LMBR1: variants seen among roughly 807,000 people sequenced by gnomAD.
The protein encoded by LMBR1 is limb region 1 protein homolog.
LMBR1 carries 52 observed loss-of-function variants against 73.9 expected under a neutral mutation model. The ratio of observed to expected loss-of-function variants is 0.70; its 90% CI spans 0.56 to 0.89. The LOEUF (loss-of-function observed/expected upper bound fraction) is 0.89, where lower values mean the gene tolerates loss of function less well. Among genes scored for constraint, LMBR1 ranks in the 40% least tolerant of loss-of-function variants. LMBR1 has a pLI of 0.00. For synonymous variants in LMBR1, 215 were observed against 209.4 expected (o/e 1.03, Z -0.23); for missense variants, 539 against 579.8 (o/e 0.93, Z 0.72).
intron 10 of LMBR1, among the ~76,000 whole-genome samples, chr7:156,732,313 G>A (rs1468298942): frequency 6.6e-6 from 1 of 152,150 alleles, no homozygotes; most frequent in East Asian, 1.9e-4. Context: ...TTACTGTCTT[G>A]AGAGTTTCCA....
At chr7:156,858,421 G>A (rs78772460) in intron 1 of LMBR1, among the ~76,000 whole-genome samples, 68 of 152,208 alleles carry the variant, frequency 4.5e-4, no homozygotes, top group Non-Finnish European at 8.2e-4. Context: ...TAAAGAAACC[G>A]AATCAACAAT....
chr7:156,852,131 G>A (rs947461370), intron 1 of LMBR1, among the ~76,000 whole-genome samples: 7 of 151,942 alleles, frequency 4.6e-5, no homozygotes, highest in South Asian at 2.1e-4. Flanking sequence ...TAAAGATTTC[G>A]GTCCAGGTCT....
intron 9 of LMBR1, chr7:156,736,367 TC>T (rs1157569289): frequency 4.2e-5 from 5 of 118,278 alleles, no homozygotes; most frequent in Non-Finnish European, 7.2e-5. Context: ...GAGCTTGCAT[TC>T]ATTATTTAGT....
At chr7:156,737,339 G>T (rs955764620) in intron 9 of LMBR1, among the ~76,000 whole-genome samples, 2 of 152,026 alleles carry the variant, frequency 1.3e-5, no homozygotes, top group African/African-American at 4.8e-5. Context: ...CTGTCTTTTT[G>T]AATGTGAGCT....
At chr7:156,878,114 T>G (rs977026064) in intron 1 of LMBR1, among the ~76,000 whole-genome samples, 4 of 152,078 alleles carry the variant, frequency 2.6e-5, no homozygotes, top group African/African-American at 4.8e-5. Flanking sequence ...TGGAGAGAAG[T>G]TGAAAGCATT....
chr7:156,742,909 T>C (rs1254284237), intron 9 of LMBR1, among the ~76,000 whole-genome samples: 1 of 152,112 alleles, frequency 6.6e-6, no homozygotes, highest in Admixed American at 6.5e-5. Flanking sequence ...CATGATGAAG[T>C]TGGATTTATC....
chr7:156,852,249 C>A (rs972779995), intron 1 of LMBR1, among the ~76,000 whole-genome samples: 2 of 152,100 alleles, frequency 1.3e-5, no homozygotes, highest in African/African-American at 4.8e-5. Flanking sequence ...TAAATCCTAT[C>A]AGAAAGCTAG....
chr7:156,886,945 T>C (rs2134559627), intron 1 of LMBR1, among the ~76,000 whole-genome samples: 1 of 152,244 alleles, frequency 6.6e-6, no homozygotes, highest in African/African-American at 2.4e-5. Context: ...CCCATTCTGG[T>C]TGGGAATTCA....
intron 1 of LMBR1, among the ~76,000 whole-genome samples, chr7:156,873,691 T>A (rs1799696703): frequency 6.6e-6 from 1 of 151,972 alleles, no homozygotes; most frequent in Non-Finnish European, 1.5e-5. Flanking sequence ...AGCAGCTAGA[T>A]ACAGAGTGTC....
intron 12 of LMBR1, 44 bp from the exon 13 acceptor site, chr7:156,725,881 T>G (rs1299897464): frequency 6.9e-7 from 1 of 1,455,614 alleles, no homozygotes. Flanking sequence ...ATGACACCAT[T>G]ATATTGGTTT....
intron 5 of LMBR1, among the ~76,000 whole-genome samples, chr7:156,768,297 C>G (rs563844755): frequency 6.6e-6 from 1 of 151,670 alleles, no homozygotes; most frequent in Non-Finnish European, 1.5e-5. Flanking sequence ...GCGGAGGTTG[C>G]GTTGCAGTGA....
At position 156,737,924 on chromosome 7, in the gene LMBR1, T is replaced by C. The variant is rs190568254; in HGVS notation, c.758-3667A>G. On this transcript the variant is annotated intron_variant, in intron 9 of 16. Coordinates refer to ENST00000353442, the MANE Select transcript of LMBR1 (RefSeq NM_022458.4). ...GAAGCAGTAGGAGGGCGGAGCAAGA[T>C]GACCAAATAGAAGCCTCTACCGATT... 4.9e-3 allele frequency among the ~76,000 whole-genome samples: 752 copies of C among 152,294 alleles called. 12 individuals are homozygous for C. The highest frequency in any genetic ancestry group is 0.017 in the African/African-American group (727 of 41,546).
At chr7:156,847,939 C>T (rs1795722956) in intron 1 of LMBR1, among the ~76,000 whole-genome samples, 1 of 152,112 alleles carries the variant, frequency 6.6e-6, no homozygotes, top group African/African-American at 2.4e-5. Flanking sequence ...AAGTTGAAAA[C>T]TATCCACACA....
chr7:156,816,639 A>T lies in LMBR1; in HGVS notation c.319+9966T>A, dbSNP rs566811603. On this transcript the variant is annotated intron_variant, in intron 4 of 16. Transcript: ENST00000353442. Reference sequence around the variant, plus strand: ...AATAAATGTGAAAATTTCAGACTCAACTTACGCTAATCTAATACAATTTGC... The same window carrying T: ...AATAAATGTGAAAATTTCAGACTCATCTTACGCTAATCTAATACAATTTGC... 2.0e-5 allele frequency among the ~76,000 whole-genome samples: 3 copies of T among 152,314 alleles called. No individual in the cohort carries two copies. In the East Asian group the frequency reaches 5.8e-4, roughly 29 times the overall value.
intron 4 of LMBR1, among the ~76,000 whole-genome samples, chr7:156,805,826 C>A (rs1448641725): frequency 6.6e-6 from 1 of 152,054 alleles, no homozygotes; most frequent in Non-Finnish European, 1.5e-5. Context: ...GAGACAGGAG[C>A]CCTTGGGGGT....
chr7:156,839,209 C>G (rs187596785), intron 1 of LMBR1, among the ~76,000 whole-genome samples: 148 of 152,040 alleles, frequency 9.7e-4, no homozygotes, highest in African/African-American at 3.3e-3. Flanking sequence ...ACCACCACAC[C>G]TGGCTAATTT....
chr7:156,795,836 G>A (rs1458583493), intron 5 of LMBR1, among the ~76,000 whole-genome samples: 3 of 152,294 alleles, frequency 2.0e-5, no homozygotes, highest in East Asian at 1.9e-4. Context: ...ACAGGTGTGA[G>A]CCACTGCACC....
chr7:156,769,096 C>G (rs375863418), intron 5 of LMBR1, among the ~76,000 whole-genome samples: 2 of 152,118 alleles, frequency 1.3e-5, no homozygotes, highest in African/African-American at 4.8e-5. Context: ...ATGTAAAACA[C>G]GAATACCAAT....
intron 4 of LMBR1, among the ~76,000 whole-genome samples, chr7:156,815,538 T>C (rs565696155): frequency 6.6e-6 from 1 of 152,220 alleles, no homozygotes; most frequent in Non-Finnish European, 1.5e-5. Context: ...TTAAACATCT[T>C]TGTGAAACTC....
Sources: gnomAD v4.1 joint callset for allele counts (sites outside exome capture counted in the v4.1 genomes callset) on GRCh38, gnomAD v4.1.1 for gene constraint, MANE v1.5 for transcripts, NCBI Gene and HGNC (gene_info 2026-07-23, HGNC 2026-07-21) for gene names.